Variants in CHPT1 observed in about 807,000 individuals in gnomAD.
The protein encoded by CHPT1 is cholinephosphotransferase 1.
Under a neutral mutation model 47.6 loss-of-function variants are expected in CHPT1, and 36 were observed. That is an observed-to-expected ratio of 0.76 (90% CI 0.58 to 1.00). The LOEUF is 1.00. Among genes scored for constraint, CHPT1 ranks in the 50% least tolerant of loss-of-function variants. The probability of loss-of-function intolerance (pLI) is 0.00; values close to 1 mark genes in which losing one functional copy is unlikely to be tolerated. For synonymous variants in CHPT1, 194 were observed against 186.3 expected (o/e 1.04, Z -0.33); for missense variants, 458 against 498.1 (o/e 0.92, Z 0.77).
chr12:101,718,774 G>C (rs1951803371), intron 4 of CHPT1, among the ~76,000 whole-genome samples: 1 of 151,890 alleles, frequency 6.6e-6, no homozygotes, highest in Non-Finnish European at 1.5e-5. Context: ...AAGTAGTAGT[G>C]ATAGATTCTT....
At position 101,716,732 on chromosome 12, in the gene CHPT1, G is replaced by T. The variant is rs1037375264; in HGVS notation, c.568G>T (p.Asp190Tyr). ...TTCTTTGTCCTTCCTCTTTAGAGTG[G>T]ATGTAACTGAAATTCAGATAGCTTT... is the stretch of plus-strand genomic sequence containing the variant. Reference protein sequence around the residue: ...VSGMLRFGKVDVTEIQIALVI... With the variant: ...VSGMLRFGKVYVTEIQIALVI... The change falls in exon 4 of 9, where the codon GAT becomes TAT. Residue 190 changes from aspartate to tyrosine, a missense_variant. By Grantham distance (160) the Asp-to-Tyr change is radical. Coordinates refer to ENST00000229266, the MANE Select transcript of CHPT1 (RefSeq NM_020244.3). The T allele has an allele frequency of 1.9e-6, 3 of 1,600,300 alleles. No individual in the cohort carries two copies. The highest frequency in any genetic ancestry group is 2.6e-6 in the Non-Finnish European group (3 of 1,173,318).
In CHPT1 at chr12:101,708,663, A is replaced by C. The variant is rs1042014430; in HGVS notation, c.274-5427A>C. Among the ~76,000 whole-genome samples, 8 of 123,712 alleles carry C rather than the reference A, an allele frequency of 6.5e-5. 2 individuals carry two copies. The highest frequency in any genetic ancestry group is 2.5e-4 in the East Asian group (1 of 3,968). 81.2% of individuals were successfully genotyped at this position (123,712 alleles called of 152,430 possible). On this transcript the variant is annotated intron_variant, in intron 1 of 8. Coordinates refer to ENST00000229266, the MANE Select transcript of CHPT1 (RefSeq NM_020244.3). Reference sequence around the variant, plus strand: ...CACTCTGTTGCCCCAGCTGGAGTGCAGTGGCTCACTTCAACCTCTGCCTCC... The same window carrying C: ...CACTCTGTTGCCCCAGCTGGAGTGCCGTGGCTCACTTCAACCTCTGCCTCC...
chr12:101,723,080 C>T, intron 5 of CHPT1, 88 bp from the exon 6 acceptor site: 1 of 1,246,534 alleles, frequency 8.0e-7, no homozygotes, highest in East Asian at 2.3e-5. Flanking sequence ...CTTTAGGCCT[C>T]TTGCACAAAA....
chr12:101,705,675 A>G (rs1470835189), intron 1 of CHPT1, among the ~76,000 whole-genome samples: 2 of 107,724 alleles, frequency 1.9e-5, no homozygotes, highest in African/African-American at 7.7e-5. Context: ...TGTGGGTGCA[A>G]GTAGAGTCTA....
At position 101,697,713 on chromosome 12, in the gene CHPT1, T is replaced by G; in HGVS notation, c.-149T>G. The G allele has an allele frequency of 5.3e-6, 1 of 188,904 alleles. No individual in the cohort carries two copies. The highest frequency in any genetic ancestry group is 1.0e-5 in the Non-Finnish European group (1 of 98,608). The allele number at this position is 188,904 out of a possible 1,614,324, so 11.7% of individuals were successfully genotyped here. A position where few individuals can be genotyped will look rare whatever the true frequency, so the allele number is the denominator to read the frequency against. On this transcript the variant is annotated 5_prime_UTR_variant, in exon 1 of 9. Transcript: ENST00000229266. ...GCCCCGGCAGCCGGGCAGGCCGGCC[T>G]GACCTCGACCTCCGCCGTGCGGGCC...
intron 6 of CHPT1, among the ~76,000 whole-genome samples, 190 bp from the exon 7 acceptor site, chr12:101,723,531 CA>C (rs1245258099): frequency 1.3e-5 from 2 of 152,022 alleles, no homozygotes; most frequent in Non-Finnish European, 2.9e-5. Context: ...TTTCTGATAT[CA>C]AGAAATTTAA....
intron 1 of CHPT1, 97 bp downstream of exon 1, chr12:101,698,231 T>A (rs1951494517): frequency 7.5e-7 from 1 of 1,339,472 alleles, no homozygotes; most frequent in South Asian, 1.8e-5. Flanking sequence ...CGGCTGAGCC[T>A]CTCCCGGGCC....
rs752349665 is a variant in CHPT1 at position 101,697,995 on chromosome 12, C to T, written c.134C>T (p.Pro45Leu). Residue 45 changes from proline to leucine, a missense_variant, in exon 1 of 9, where the codon CCG becomes CTG. By Grantham distance (98) the Pro-to-Leu change is moderately conservative. Transcript: ENST00000229266. Reference sequence around the variant, plus strand: ...GCGGGCGTCTCGCTGCTCGAGCCGCCGCTGCAGCTCTACTGGACCTGGCTG... The same window carrying T: ...GCGGGCGTCTCGCTGCTCGAGCCGCTGCTGCAGCTCTACTGGACCTGGCTG... ...SAAGVSLLEP[P>L]LQLYWTWLLQ... is the part of the protein sequence containing the mutation. The T allele has an allele frequency of 3.2e-6, 5 of 1,558,442 alleles. No individual in the cohort carries two copies. The African/African-American group carries it at 5.6e-5, about 17-fold the overall frequency.
At chr12:101,708,749 A>T in intron 1 of CHPT1, among the ~76,000 whole-genome samples, 1 of 142,660 alleles carries the variant, frequency 7.0e-6, no homozygotes, top group Non-Finnish European at 1.6e-5. Context: ...GGAGTATGCC[A>T]CCACAGCTGG....
At chr12:101,698,274 G>C in intron 1 of CHPT1, 140 bp downstream of exon 1, 1 of 1,257,888 alleles carries the variant, frequency 7.9e-7, no homozygotes, top group Non-Finnish European at 1.0e-6. Flanking sequence ...GCCCCGGGCG[G>C]TGTCCGCCCT....
chr12:101,723,192 C>T lies in CHPT1; in HGVS notation c.805C>T (p.Leu269Phe), dbSNP rs770482250. 1.2e-6 allele frequency: 2 copies of T among 1,612,634 alleles called. No homozygotes were observed. Among genetic ancestry groups the T allele is most frequent in the Non-Finnish European group, 1.7e-6 (2 of 1,179,098 alleles). ...GGGCACCAGTGTCTTGTCACCTGGACTCCACATAGGACTAATTATTATACT... is the reference window on the plus strand; with the variant it reads ...GGGCACCAGTGTCTTGTCACCTGGATTCCACATAGGACTAATTATTATACT... ...IAGTSVLSPG[L>F]HIGLIIILAI... is the part of the protein sequence containing the mutation. Residue 269 changes from leucine to phenylalanine, a missense_variant, in exon 6 of 9, where the codon CTC becomes TTC. Coordinates refer to ENST00000229266, the MANE Select transcript of CHPT1 (RefSeq NM_020244.3).
At position 101,714,125 on chromosome 12, in the gene CHPT1, A is replaced by G. The variant is rs758855190; in HGVS notation, c.309A>G (p.Gly103=). Residue 103 remains glycine, a synonymous_variant, in exon 2 of 9, where the codon GGA becomes GGG. Transcript: ENST00000229266. ...PYWTYLLCAL[G]LFIYQSLDAI... is the part of the protein sequence containing the mutation. ...GGACATACCTTTTATGTGCACTGGG[A>G]CTTTTTATTTACCAGTCACTGGATG... The G allele has an allele frequency of 3.1e-6, 5 of 1,610,576 alleles. No homozygotes were observed. Among genetic ancestry groups the G allele is most frequent in the South Asian group, 1.1e-5 (1 of 90,910 alleles).
At chr12:101,699,142 C>T (rs1951512564) in intron 1 of CHPT1, among the ~76,000 whole-genome samples, 1 of 148,570 alleles carries the variant, frequency 6.7e-6, no homozygotes, top group Non-Finnish European at 1.5e-5. Flanking sequence ...GAGTGCCGTG[C>T]CGTGGCTCGA....
At chr12:101,727,289 T>TAA (rs1020676929) in intron 8 of CHPT1, 1 of 152,116 alleles carries the variant, frequency 6.6e-6, no homozygotes, top group African/African-American at 2.4e-5. Flanking sequence ...ATAAAATAAG[T>TAA]AAAAGTTATT....
rs900548306 is a variant in CHPT1 at position 101,723,662 on chromosome 12, C to T, written c.940-60C>T. The T allele has an allele frequency of 1.2e-4, 120 of 1,033,662 alleles. 1 individual carries two copies. Among genetic ancestry groups the T allele is most frequent in the Admixed American group, 1.2e-4 (4 of 33,662 alleles). The allele number at this position is 1,033,662 out of a possible 1,614,324, so 64.0% of individuals were successfully genotyped here. ...GAATTAAAGTTATAATTAATTCTGT[C>T]GTAAAAGCTAACACATTTAAAACTT... On this transcript the variant is annotated intron_variant, in intron 6 of 8. Transcript: ENST00000229266.
intron 5 of CHPT1, among the ~76,000 whole-genome samples, chr12:101,722,159 T>C (rs1951860332): frequency 6.6e-6 from 1 of 152,282 alleles, no homozygotes; most frequent in South Asian, 2.1e-4. Flanking sequence ...CTTAAACTGG[T>C]ATTTTTCCAA....
intron 3 of CHPT1, among the ~76,000 whole-genome samples, chr12:101,715,692 A>C (rs1419337405): frequency 6.6e-6 from 1 of 152,210 alleles, no homozygotes; most frequent in African/African-American, 2.4e-5. Flanking sequence ...AGAAGTCATT[A>C]GCATATAGAT....
At chr12:101,722,502 A>G (rs1417041873) in intron 5 of CHPT1, among the ~76,000 whole-genome samples, 1 of 152,054 alleles carries the variant, frequency 6.6e-6, no homozygotes, top group East Asian at 1.9e-4. Context: ...TTTTACATAA[A>G]AGAACATTTG....
intron 3 of CHPT1, 150 bp downstream of exon 3, chr12:101,714,795 G>A (rs1951741715): frequency 1.5e-5 from 9 of 608,136 alleles, no homozygotes; most frequent in Non-Finnish European, 2.3e-5. Context: ...TACACCTTAA[G>A]TCTTTTAGGT....
Sources: gnomAD v4.1 joint callset for allele counts (sites outside exome capture counted in the v4.1 genomes callset) on GRCh38, gnomAD v4.1.1 for gene constraint, MANE v1.5 for transcripts, NCBI Gene and HGNC (gene_info 2026-07-23, HGNC 2026-07-21) for gene names.